The following NRF1 variants were observed in gnomAD, a reference collection of about 807,000 sequenced individuals.
NRF1 encodes alpha palindromic-binding protein.
In NRF1, 5 loss-of-function variants were observed where a neutral mutation model predicts 58.5. The ratio of observed to expected loss-of-function variants is 0.09; its 90% CI spans 0.04 to 0.18. The LOEUF (loss-of-function observed/expected upper bound fraction) is 0.18, where lower values mean the gene tolerates loss of function less well. Ranked by LOEUF, NRF1 falls within the 10% of genes least tolerant of loss-of-function variation. The pLI, the probability that NRF1 is intolerant of heterozygous loss-of-function variation, is 1.00. For missense variants in NRF1, 288 were observed against 657.7 expected (o/e 0.44, Z 6.15); for synonymous variants, 224 against 246.7 (o/e 0.91, Z 0.86).
chr7:129,744,846 A>G (rs1803935068), intron 10 of NRF1, among the ~76,000 whole-genome samples: 1 of 151,958 alleles, frequency 6.6e-6, no homozygotes, highest in South Asian at 2.1e-4. Flanking sequence ...GAGTGAGGGG[A>G]TGAAAAGTCA....
At chr7:129,751,017 C>G (rs1804102781) in intron 10 of NRF1, among the ~76,000 whole-genome samples, 1 of 152,194 alleles carries the variant, frequency 6.6e-6, no homozygotes, top group Non-Finnish European at 1.5e-5. Flanking sequence ...CTACGGTCTC[C>G]TTGGGGACAA....
intron 10 of NRF1, among the ~76,000 whole-genome samples, chr7:129,744,901 CAGAT>C (rs1305157000): frequency 6.6e-6 from 1 of 151,452 alleles, no homozygotes; most frequent in Non-Finnish European, 1.5e-5. Context: ...TATCCCTGCT[CAGAT>C]AGAAGAGGCA....
At chr7:129,679,038 A>G (rs1802246104) in intron 4 of NRF1, among the ~76,000 whole-genome samples, 1 of 152,176 alleles carries the variant, frequency 6.6e-6, no homozygotes, top group Non-Finnish European at 1.5e-5. Flanking sequence ...CTTCCAGAGC[A>G]CCGAAGAAAA....
chr7:129,724,226 A>C (rs1803398611), intron 9 of NRF1, among the ~76,000 whole-genome samples: 1 of 152,246 alleles, frequency 6.6e-6, no homozygotes, highest in Non-Finnish European at 1.5e-5. Context: ...AAATGGGCAA[A>C]GGTCTTGAAT....
Position 129,736,231 on chromosome 7 carries a change from T to C in NRF1, c.1348+8866T>C, listed in dbSNP as rs571140574. Among the ~76,000 whole-genome samples, 3 of 152,092 alleles carry C rather than the reference T, an allele frequency of 2.0e-5. No individual in the cohort carries two copies. In the South Asian group the frequency reaches 6.2e-4, roughly 32 times the overall value. On this transcript the variant is annotated intron_variant, in intron 10 of 10. Coordinates refer to ENST00000393232, the MANE Select transcript of NRF1 (RefSeq NM_005011.5). The stretch of plus-strand genomic sequence containing the variant: ...CTTATTAAAAACTTTTTAAAATATG[T>C]ATGTTTTCTCAGCAGAATTTAATCT...
chr7:129,627,303 C>A (rs1271999295), intron 1 of NRF1, among the ~76,000 whole-genome samples: 1 of 152,114 alleles, frequency 6.6e-6, no homozygotes, highest in Admixed American at 6.5e-5. Flanking sequence ...CCTCAGTCTC[C>A]CCTGCTCAAG....
chr7:129,694,489 T>C (rs1377807585), intron 5 of NRF1, among the ~76,000 whole-genome samples: 2 of 152,062 alleles, frequency 1.3e-5, no homozygotes, highest in East Asian at 3.9e-4. Context: ...CTCAGCCTCC[T>C]GAGTAGCTGG....
At chr7:129,690,112 A>G (rs1802530186) in intron 4 of NRF1, among the ~76,000 whole-genome samples, 1 of 152,222 alleles carries the variant, frequency 6.6e-6, no homozygotes, top group Non-Finnish European at 1.5e-5. Context: ...GGAACAGGCA[A>G]TGGCACCCTC....
chr7:129,658,892 C>T (rs1002151462), intron 2 of NRF1, among the ~76,000 whole-genome samples: 1 of 152,048 alleles, frequency 6.6e-6, no homozygotes, highest in East Asian at 1.9e-4. Context: ...ATAGCATTTA[C>T]ACTGTATTAG....
chr7:129,625,160 A>T (rs1423342270), intron 1 of NRF1, among the ~76,000 whole-genome samples: 2 of 152,112 alleles, frequency 1.3e-5, no homozygotes, highest in Non-Finnish European at 2.9e-5. Context: ...ACATCACTCC[A>T]GTTTCTGCCT....
chr7:129,622,008 C>T (rs1800808096), intron 1 of NRF1, among the ~76,000 whole-genome samples: 1 of 152,050 alleles, frequency 6.6e-6, no homozygotes. Flanking sequence ...GTCTAGAACT[C>T]ACGACCTTGT....
At chr7:129,662,354 G>GT (rs983335187) in intron 2 of NRF1, among the ~76,000 whole-genome samples, 3 of 149,942 alleles carry the variant, frequency 2.0e-5, no homozygotes, top group Admixed American at 1.3e-4. Context: ...CTAACCAAGT[G>GT]TTTTTTTTCC....
intron 10 of NRF1, among the ~76,000 whole-genome samples, chr7:129,749,167 C>T (rs2116319601): frequency 1.3e-5 from 2 of 152,278 alleles, no homozygotes; most frequent in Non-Finnish European, 2.9e-5. Context: ...TTTAAAAGAT[C>T]CCTCTGGCAG....
intron 1 of NRF1, among the ~76,000 whole-genome samples, chr7:129,628,226 A>G (rs967010648): frequency 1.3e-5 from 2 of 149,422 alleles, no homozygotes; most frequent in Non-Finnish European, 3.0e-5. Flanking sequence ...TTGTTTTTTT[A>G]GTAGAGATGG....
At chr7:129,716,300 GATAAA>G (rs1803188020) in intron 8 of NRF1, among the ~76,000 whole-genome samples, 2 of 152,036 alleles carry the variant, frequency 1.3e-5, no homozygotes, top group Admixed American at 1.3e-4. Context: ...ATTGTATAAT[GATAAA>G]ATAATAAAAG....
intron 10 of NRF1, among the ~76,000 whole-genome samples, chr7:129,748,157 C>T (rs530512806): frequency 5.3e-5 from 8 of 151,104 alleles, no homozygotes; most frequent in African/African-American, 1.9e-4. Flanking sequence ...CGCCTGTAAT[C>T]CCAGCTACTC....
intron 8 of NRF1, 104 bp from the exon 9 acceptor site, chr7:129,717,115 G>A: frequency 9.2e-7 from 1 of 1,088,292 alleles, no homozygotes; most frequent in Non-Finnish European, 1.3e-6. Flanking sequence ...TAATTTTAAA[G>A]AGTATGTGTA....
intron 9 of NRF1, among the ~76,000 whole-genome samples, chr7:129,724,839 G>A (rs1803413302): frequency 2.0e-5 from 3 of 152,132 alleles, no homozygotes; most frequent in Admixed American, 6.5e-5. Context: ...AACTCAAAAT[G>A]GATCTAAGAC....
chr7:129,716,282 A>T (rs9641854), intron 8 of NRF1, among the ~76,000 whole-genome samples: 52,513 of 151,862 alleles, frequency 0.35, 9,562 homozygotes, highest in East Asian at 0.61. Flanking sequence ...GGTACATTAC[A>T]TGGAAATATT....
Sources: gnomAD v4.1 joint callset for allele counts (sites outside exome capture counted in the v4.1 genomes callset) on GRCh38, gnomAD v4.1.1 for gene constraint, MANE v1.5 for transcripts, NCBI Gene and HGNC (gene_info 2026-07-23, HGNC 2026-07-21) for gene names.